CACNA2D3: variants seen among roughly 807,000 people sequenced by gnomAD.
The protein encoded by CACNA2D3 is calcium voltage-gated channel auxiliary subunit alpha2delta 3, also known as voltage-dependent calcium channel subunit alpha-2/delta-3.
A neutral mutation model predicts 160.6 loss-of-function variants in CACNA2D3; 60 were observed. The ratio of observed to expected loss-of-function variants is 0.37; its 90% CI spans 0.30 to 0.46. The LOEUF is 0.46. CACNA2D3 is among the 20% of genes least tolerant of loss of function. The pLI, the probability that CACNA2D3 is intolerant of heterozygous loss-of-function variation, is 1.00. For synonymous variants in CACNA2D3, 558 were observed against 492.9 expected (o/e 1.13, Z -1.75); for missense variants, 1,205 against 1,365.0 (o/e 0.88, Z 1.85).
intron 11 of CACNA2D3, among the ~76,000 whole-genome samples, chr3:54,650,418 G>A (rs982185605): frequency 4.6e-5 from 7 of 151,952 alleles, no homozygotes; most frequent in East Asian, 1.9e-4. Flanking sequence ...CTGGAGTGTA[G>A]TGGTGCATGT....
At chr3:54,652,693 G>A (rs764350626) in intron 11 of CACNA2D3, among the ~76,000 whole-genome samples, 3 of 151,864 alleles carry the variant, frequency 2.0e-5, no homozygotes, top group Non-Finnish European at 4.4e-5. Flanking sequence ...AAGGCTGGCA[G>A]CACAGGCAGC....
intron 27 of CACNA2D3, among the ~76,000 whole-genome samples, chr3:54,930,452 G>T (rs191257576): frequency 6.6e-6 from 1 of 152,090 alleles, no homozygotes; most frequent in Non-Finnish European, 1.5e-5. Context: ...ACCTCTTTAG[G>T]TTATAGTGGA....
In CACNA2D3 at chr3:54,466,594, G is replaced by T. The variant is rs374640026; in HGVS notation, c.382-36898G>T. ...TATATTGTGTTTATTTTTTTCAGGG[G>T]CCTGGGCAACAAAGTTACTTACTTT... On this transcript the variant is annotated intron_variant, in intron 4 of 37. Transcript: ENST00000474759. Among the ~76,000 whole-genome samples, 7 of 152,064 alleles carry T rather than the reference G, an allele frequency of 4.6e-5. No individual in the cohort carries two copies. In the East Asian group the frequency reaches 7.7e-4, roughly 17 times the overall value.
At chr3:54,225,352 T>G (rs933046432) in intron 2 of CACNA2D3, among the ~76,000 whole-genome samples, 4 of 152,256 alleles carry the variant, frequency 2.6e-5, no homozygotes, top group African/African-American at 9.6e-5. Context: ...TTTATCACCT[T>G]CTGAAATTTC....
chr3:54,413,498 TTTTTAAATA>T (rs1429964962), intron 4 of CACNA2D3, among the ~76,000 whole-genome samples: 2 of 150,446 alleles, frequency 1.3e-5, no homozygotes, highest in African/African-American at 4.8e-5. Context: ...TATTTGGAAA[TTTTTAAATA>T]ATTATTTCTT....
At position 54,498,634 on chromosome 3, in the gene CACNA2D3, T is replaced by C. The variant is rs77243901; in HGVS notation, c.382-4858T>C. On this transcript the variant is annotated intron_variant, in intron 4 of 37. Coordinates refer to ENST00000474759, the MANE Select transcript of CACNA2D3 (RefSeq NM_018398.3). ...AACATTGAGTTTCATTTATTCATCT[T>C]TTTAATACCTTGTTAAGGTAGAATC... is the stretch of plus-strand genomic sequence containing the variant. Among the ~76,000 whole-genome samples the C allele has an allele frequency of 3.6e-3, 547 of 152,068 alleles. 7 individuals carry two copies. Among genetic ancestry groups the C allele is most frequent in the African/African-American group, 0.012 (516 of 41,570 alleles).
intron 27 of CACNA2D3, among the ~76,000 whole-genome samples, chr3:54,940,000 A>G (rs1701426453): frequency 6.6e-6 from 1 of 152,178 alleles, no homozygotes; most frequent in Admixed American, 6.5e-5. Flanking sequence ...TAGGACTCCC[A>G]TCTGAGCAGA....
intron 14 of CACNA2D3, among the ~76,000 whole-genome samples, chr3:54,826,280 G>A (rs369520991): frequency 1.1e-4 from 16 of 152,066 alleles, no homozygotes; most frequent in African/African-American, 2.7e-4. Context: ...CTCTGGATGC[G>A]CTGCCAGACA....
At chr3:54,444,435 C>A (rs1700190168) in intron 4 of CACNA2D3, among the ~76,000 whole-genome samples, 1 of 152,210 alleles carries the variant, frequency 6.6e-6, no homozygotes, top group Non-Finnish European at 1.5e-5. Context: ...TTGCCATAAT[C>A]AGTGTCTTTT....
At chr3:54,826,738 C>T (rs1703757621) in intron 14 of CACNA2D3, among the ~76,000 whole-genome samples, 1 of 152,002 alleles carries the variant, frequency 6.6e-6, no homozygotes, top group Non-Finnish European at 1.5e-5. Context: ...TATAATTAAC[C>T]ACTCCCCACC....
chr3:54,581,771 A>T, intron 8 of CACNA2D3, 32 bp from the exon 9 acceptor site: 1 of 1,559,860 alleles, frequency 6.4e-7, no homozygotes, highest in Non-Finnish European at 8.8e-7. Context: ...TTCCTTAATT[A>T]AGTGTTCCTT....
At chr3:54,847,747 GCTGT>G (rs904279597) in intron 17 of CACNA2D3, among the ~76,000 whole-genome samples, 3 of 152,188 alleles carry the variant, frequency 2.0e-5, no homozygotes, top group African/African-American at 7.2e-5. Flanking sequence ...TGAAAAAGCG[GCTGT>G]CTTTTTAAAG....
intron 27 of CACNA2D3, among the ~76,000 whole-genome samples, chr3:54,910,944 A>G (rs1700542208): frequency 6.6e-6 from 1 of 152,182 alleles, no homozygotes; most frequent in South Asian, 2.1e-4. Flanking sequence ...AATGTACTCA[A>G]AAGTAGACAG....
intron 4 of CACNA2D3, among the ~76,000 whole-genome samples, chr3:54,425,687 C>G (rs538585016): frequency 5.9e-5 from 9 of 152,316 alleles, no homozygotes; most frequent in African/African-American, 2.2e-4. Flanking sequence ...CTCATGATCA[C>G]TTTTGGGGGA....
chr3:54,880,969 A>G (rs9866865), intron 21 of CACNA2D3, 106 bp downstream of exon 21: 57,494 of 896,210 alleles, frequency 0.064, 2,756 homozygotes, highest in African/African-American at 0.19. Flanking sequence ...ACCTGTGACC[A>G]GTCCCTTGGA....
At chr3:54,692,602 A>G (rs1700590053) in intron 11 of CACNA2D3, among the ~76,000 whole-genome samples, 1 of 152,164 alleles carries the variant, frequency 6.6e-6, no homozygotes, top group Non-Finnish European at 1.5e-5. Context: ...CTGAGCTTCC[A>G]TTTAAGTCTG....
At chr3:54,613,294 T>C (rs1698782488) in intron 9 of CACNA2D3, among the ~76,000 whole-genome samples, 3 of 152,232 alleles carry the variant, frequency 2.0e-5, no homozygotes, top group Admixed American at 2.0e-4. Flanking sequence ...TTTCCTGTAT[T>C]GGTGTGTCAT....
Position 54,616,831 on chromosome 3 carries a change from A to G in CACNA2D3, c.964-10956A>G, listed in dbSNP as rs980817489. Among the ~76,000 whole-genome samples, 61 of 152,152 alleles carry G rather than the reference A, an allele frequency of 4.0e-4. 1 individual carries two copies. Among genetic ancestry groups the G allele is most frequent in the Non-Finnish European group, 8.8e-5 (6 of 68,028 alleles). ...TTCTCTCATTCTTAAAAGGAGGGTA[A>G]TAAGAGTACCTACCTTCTGTCTGGG... On this transcript the variant is annotated intron_variant, in intron 9 of 37. Coordinates refer to ENST00000474759, the MANE Select transcript of CACNA2D3 (RefSeq NM_018398.3).
chr3:54,885,277 C>G lies in CACNA2D3; in HGVS notation c.1913-4C>G. ...TTCATGAACCCCTTCTCCTTGACCC[C>G]CAGGCCTGCATGACTTAGAACATCC... On this transcript the variant is annotated splice_polypyrimidine_tract_variant and splice_region_variant and intron_variant, in intron 21 of 37. Transcript: ENST00000474759. 1 of 1,613,826 alleles carries G rather than the reference C, an allele frequency of 6.2e-7. No individual in the cohort carries two copies. Among genetic ancestry groups the G allele is most frequent in the Non-Finnish European group, 8.5e-7 (1 of 1,179,786 alleles).
Sources: allele counts gnomAD v4.1 joint callset (sites outside exome capture counted in the v4.1 genomes callset), GRCh38; gene constraint gnomAD v4.1.1; transcripts MANE v1.5; gene names NCBI Gene and HGNC (gene_info 2026-07-23, HGNC 2026-07-21).